KLHL42: variants seen among roughly 807,000 people sequenced by gnomAD.
KLHL42 encodes the protein kelch like family member 42, also known as kelch-like protein 42.
In KLHL42, 27 loss-of-function variants were observed where a neutral mutation model predicts 32.7. The observed-to-expected ratio is 0.83, with a 90% CI of 0.61 to 1.14. The LOEUF is 1.14. Among genes scored for constraint, KLHL42 ranks in the 50% most tolerant of loss-of-function variants. KLHL42 has a pLI of 0.00. For missense variants in KLHL42, 491 were observed against 560.8 expected (o/e 0.88, Z 1.26); for synonymous variants, 267 against 248.2 (o/e 1.08, Z -0.71).
chr12:27,781,065 C>G lies in KLHL42; in HGVS notation c.735C>G (p.Gly245=), dbSNP rs1174914162. Residue 245 remains glycine, a synonymous_variant, in exon 1 of 3, where the codon GGC becomes GGG. Coordinates refer to ENST00000381271, the MANE Select transcript of KLHL42 (RefSeq NM_020782.2). The part of the protein sequence containing the change: ...NLPPDLVNVR[G]YGSAILDNYL... ...CTCCCGACCTGGTCAATGTCAGGGG[C>G]TATGGGTCTGCCATCCTGGACAACT... is the stretch of plus-strand genomic sequence containing the variant. 1.2e-6 allele frequency: 2 copies of G among 1,614,016 alleles called. No individual in the cohort carries two copies. Among genetic ancestry groups the G allele is most frequent in the Admixed American group, 1.7e-5 (1 of 59,990 alleles).
chr12:27,797,719 G>A lies in KLHL42; in HGVS notation c.1071G>A (p.Arg357=), dbSNP rs1190669923. ...YVIGGYTTRD[R]NMNILQYCPS... ...ACTTGTCTTTCTTTCTTTCAGACCG[G>A]AACATGAACATTTTGCAGTACTGCC... The change falls in exon 3 of 3, where the codon CGG becomes CGA. Residue 357 remains arginine (R), a synonymous_variant. Coordinates refer to ENST00000381271, the MANE Select transcript of KLHL42 (RefSeq NM_020782.2). 5.8e-6 allele frequency: 4 copies of A among 691,938 alleles called. No homozygotes were observed. The highest frequency in any genetic ancestry group is 1.1e-5 in the Non-Finnish European group (4 of 377,916). 42.9% of individuals were successfully genotyped at this position (691,938 alleles called of 1,614,324 possible).
At chr12:27,784,556 G>A (rs2062163613) in intron 1 of KLHL42, among the ~76,000 whole-genome samples, 1 of 152,120 alleles carries the variant, frequency 6.6e-6, no homozygotes, top group Admixed American at 6.6e-5. Context: ...GAAGGCTGCA[G>A]TGCACTCTCA....
intron 2 of KLHL42, among the ~76,000 whole-genome samples, chr12:27,793,786 G>T (rs1312232756): frequency 6.6e-6 from 1 of 152,158 alleles, no homozygotes; most frequent in Non-Finnish European, 1.5e-5. Flanking sequence ...TATGGTAGTA[G>T]ACCTGCCGTT....
chr12:27,783,872 C>T lies in KLHL42; in HGVS notation c.872+2670C>T, dbSNP rs149198733. On this transcript the variant is annotated intron_variant, in intron 1 of 2. Transcript: ENST00000381271. ...GTGCTGGGATTACAGGCGTGAGCCACCGCGCCCGGCCTTACCTCACGCTTT... is the reference window on the plus strand; with the variant it reads ...GTGCTGGGATTACAGGCGTGAGCCATCGCGCCCGGCCTTACCTCACGCTTT... Among the ~76,000 whole-genome samples, 230 of 152,314 alleles carry T rather than the reference C, an allele frequency of 1.5e-3. 1 individual carries two copies. Among genetic ancestry groups the T allele is most frequent in the African/African-American group, 5.4e-3 (223 of 41,578 alleles).
At chr12:27,784,549 G>A (rs1429495587) in intron 1 of KLHL42, among the ~76,000 whole-genome samples, 1 of 152,112 alleles carries the variant, frequency 6.6e-6, no homozygotes, top group Non-Finnish European at 1.5e-5. Flanking sequence ...AGGAACTGAA[G>A]GCTGCAGTGC....
rs566397787 is a variant in KLHL42 at position 27,798,851 on chromosome 12, T to C, written c.*685T>C. On this transcript the variant is annotated 3_prime_UTR_variant, in exon 3 of 3. Transcript: ENST00000381271. Reference sequence around the variant, plus strand: ...GGATAAATAGACTGATAAAACCTCTTATTTTATTTATGTGGCAGGTTGCAT... The same window carrying C: ...GGATAAATAGACTGATAAAACCTCTCATTTTATTTATGTGGCAGGTTGCAT... 1 of 152,664 alleles carries C rather than the reference T, an allele frequency of 6.6e-6. No individual in the cohort carries two copies. Among genetic ancestry groups the C allele is most frequent in the South Asian group, 2.1e-4 (1 of 4,818 alleles). The allele number at this position is 152,664 out of a possible 1,614,324, so 9.5% of individuals were successfully genotyped here.
intron 1 of KLHL42, among the ~76,000 whole-genome samples, chr12:27,785,067 A>T (rs1406744602): frequency 6.6e-6 from 1 of 152,114 alleles, no homozygotes; most frequent in African/African-American, 2.4e-5. Flanking sequence ...AAATTGTTGC[A>T]TAGAGGGGTG....
chr12:27,802,194 A>G lies in KLHL42; in HGVS notation c.*4028A>G, dbSNP rs2062250947. On this transcript the variant is annotated 3_prime_UTR_variant, in exon 3 of 3. Transcript: ENST00000381271. ...TCTCTGTACTTCATTTTTGTGAAAA[A>G]GTGAAAATCACATATAATCTTTATT... The G allele has an allele frequency of 2.0e-5, 3 of 152,088 alleles. No individual in the cohort carries two copies. In the South Asian group the frequency reaches 6.2e-4, roughly 32 times the overall value. 9.4% of individuals were successfully genotyped at this position (152,088 alleles called of 1,614,324 possible). A position where few individuals can be genotyped will look rare whatever the true frequency, so the allele number is the denominator to read the frequency against.
At position 27,791,841 on chromosome 12, in the gene KLHL42, G is replaced by A; in HGVS notation, c.1006G>A (p.Glu336Lys). Residue 336 changes from glutamate (E) to lysine (K), a missense_variant, in exon 2 of 3, where the codon GAG becomes AAG. Coordinates refer to ENST00000381271, the MANE Select transcript of KLHL42 (RefSeq NM_020782.2). ...FVAPLPNPLA[E>K]FSACECKGKI... ...GGCGCCCTTACCCAATCCTCTGGCT[G>A]AGTTCTCTGCCTGTGAGTGTAAGGG... The A allele has an allele frequency of 6.2e-7, 1 of 1,614,178 alleles. No homozygotes were observed. The highest frequency in any genetic ancestry group is 8.5e-7 in the Non-Finnish European group (1 of 1,180,030).
chr12:27,781,542 T>C (rs1298881675), intron 1 of KLHL42, among the ~76,000 whole-genome samples: 1 of 152,162 alleles, frequency 6.6e-6, no homozygotes, highest in African/African-American at 2.4e-5. Context: ...TTTAAAAAAT[T>C]TGTCTTAGTT....
chr12:27,788,909 C>CA (rs1254909398), intron 1 of KLHL42, among the ~76,000 whole-genome samples: 1 of 152,122 alleles, frequency 6.6e-6, no homozygotes, highest in Non-Finnish European at 1.5e-5. Context: ...ATTAAGAAAA[C>CA]ACTGTAGAGA....
chr12:27,802,073 A>C lies in KLHL42; in HGVS notation c.*3907A>C, dbSNP rs1268156690. 3 of 152,170 alleles carry C rather than the reference A, an allele frequency of 2.0e-5. No homozygotes were observed. The highest frequency in any genetic ancestry group is 4.4e-5 in the Non-Finnish European group (3 of 68,036). 9.4% of individuals were successfully genotyped at this position (152,170 alleles called of 1,614,324 possible). On this transcript the variant is annotated 3_prime_UTR_variant, in exon 3 of 3. Transcript: ENST00000381271. ...TTGTTTTTGTGATTTACTAACAATCATCACGAACCAGTTTTGTTTTTCTTT... is the reference window on the plus strand; with the variant it reads ...TTGTTTTTGTGATTTACTAACAATCCTCACGAACCAGTTTTGTTTTTCTTT...
Position 27,798,524 on chromosome 12 carries a change from T to C in KLHL42, c.*358T>C, listed in dbSNP as rs2062230146. On this transcript the variant is annotated 3_prime_UTR_variant, in exon 3 of 3. Transcript: ENST00000381271. ...TGGTAAAGATGATTTTAAAATCTGT[T>C]GTATTTAGGTCCCTTGACATATCAT... The C allele has an allele frequency of 4.2e-6, 1 of 239,688 alleles. No homozygotes were observed. Among genetic ancestry groups the C allele is most frequent in the African/African-American group, 2.3e-5 (1 of 43,090 alleles). 14.8% of individuals were successfully genotyped at this position (239,688 alleles called of 1,614,324 possible).
At chr12:27,787,035 T>C (rs1333343915) in intron 1 of KLHL42, among the ~76,000 whole-genome samples, 3 of 151,860 alleles carry the variant, frequency 2.0e-5, no homozygotes, top group Non-Finnish European at 2.9e-5. Flanking sequence ...AATTGAGAGA[T>C]TTTATAAAGC....
Position 27,801,113 on chromosome 12 carries a change from G to A in KLHL42, c.*2947G>A, listed in dbSNP as rs2062245433. 6.6e-6 allele frequency: 1 copy of A among 152,556 alleles called. No individual in the cohort carries two copies. The highest frequency in any genetic ancestry group is 1.5e-5 in the Non-Finnish European group (1 of 68,026). 9.5% of individuals were successfully genotyped at this position (152,556 alleles called of 1,614,324 possible). A position where few individuals can be genotyped will look rare whatever the true frequency, so the allele number is the denominator to read the frequency against. On this transcript the variant is annotated 3_prime_UTR_variant, in exon 3 of 3. Coordinates refer to ENST00000381271, the MANE Select transcript of KLHL42 (RefSeq NM_020782.2). Reference sequence around the variant, plus strand: ...TCAACAGTATTGGTTAAGTCACAACGACGAAGTGCTGAGAAGGTTATGGGT... The same window carrying A: ...TCAACAGTATTGGTTAAGTCACAACAACGAAGTGCTGAGAAGGTTATGGGT...
chr12:27,791,143 G>A (rs1228826759), intron 1 of KLHL42, among the ~76,000 whole-genome samples: 1 of 152,208 alleles, frequency 6.6e-6, no homozygotes, highest in Admixed American at 6.5e-5. Context: ...TTGTGAAGCA[G>A]TATGTTAGAT....
Position 27,801,491 on chromosome 12 carries a change from A to G in KLHL42, c.*3325A>G, listed in dbSNP as rs553118804. 2.0e-5 allele frequency: 3 copies of G among 152,354 alleles called. No homozygotes were observed. Among genetic ancestry groups the G allele is most frequent in the East Asian group, 1.9e-4 (1 of 5,180 alleles). 9.4% of individuals were successfully genotyped at this position (152,354 alleles called of 1,614,324 possible). A position where few individuals can be genotyped will look rare whatever the true frequency, so the allele number is the denominator to read the frequency against. ...TTTAACGAACAGTGGCTTAATGCAG[A>G]TCACTCAAGAGGCAGCATAGCAATG... is the stretch of plus-strand genomic sequence containing the variant. On this transcript the variant is annotated 3_prime_UTR_variant, in exon 3 of 3. Coordinates refer to ENST00000381271, the MANE Select transcript of KLHL42 (RefSeq NM_020782.2).
chr12:27,796,705 T>C (rs1023147687), intron 2 of KLHL42, among the ~76,000 whole-genome samples: 2 of 152,064 alleles, frequency 1.3e-5, no homozygotes, highest in African/African-American at 4.8e-5. Flanking sequence ...TGATCACAGC[T>C]CACTGCAGCC....
chr12:27,781,011 G>T lies in KLHL42; in HGVS notation c.681G>T (p.Glu227Asp). The T allele has an allele frequency of 6.2e-7, 1 of 1,610,900 alleles. No individual in the cohort carries two copies. Among genetic ancestry groups the T allele is most frequent in the Non-Finnish European group, 8.5e-7 (1 of 1,178,032 alleles). ...TGCTCAGGTACGAGGAGATGACTGA[G>T]CGTTGGTTCCCGCTGGCCAACAACC... ...PSMLRYEEMT[E>D]RWFPLANNLP... The change falls in exon 1 of 3, where the codon GAG (glutamate) becomes GAT (aspartate). Residue 227 changes from glutamate to aspartate, a missense_variant. Around this residue, in one of 4 missense-constraint regions of KLHL42, gnomAD observed 248 missense variants for 329.2 expected, o/e 0.75. Coordinates refer to ENST00000381271, the MANE Select transcript of KLHL42 (RefSeq NM_020782.2).
Sources: gnomAD v4.1 joint callset for allele counts (sites outside exome capture counted in the v4.1 genomes callset) on GRCh38, gnomAD v4.1.1 for gene constraint, gnomAD v4.1.1 regional missense constraint, MANE v1.5 for transcripts, NCBI Gene and HGNC (gene_info 2026-07-23, HGNC 2026-07-21) for gene names.